ZNF208: variants seen among roughly 807,000 people sequenced by gnomAD.
The protein encoded by ZNF208 is zinc finger protein 208, also known as zinc finger protein 95.
In ZNF208, 10 loss-of-function variants were observed where a neutral mutation model predicts 12.1. The observed-to-expected ratio is 0.83, with a 90% CI of 0.51 to 1.40. The LOEUF is 1.40. Among genes scored for constraint, ZNF208 ranks in the 40% most tolerant of loss-of-function variants. The pLI is 0.00. For missense variants in ZNF208, 1,652 were observed against 1,485.0 expected, an observed-to-expected ratio of 1.11 and a Z score of -1.85; for synonymous variants, 497 against 488.4, an observed-to-expected ratio of 1.02 and a Z score of -0.23.
chr19:21,941,812 C>T (rs918517300), intron 4 of ZNF208, among the ~76,000 whole-genome samples: 4 of 152,040 alleles, frequency 2.6e-5, no homozygotes, highest in African/African-American at 7.2e-5. Context: ...AATAGTGTAT[C>T]GTGCTAAAAC....
At chr19:21,993,754 A>T (rs2145573467) in intron 1 of ZNF208, among the ~76,000 whole-genome samples, 1 of 150,230 alleles carries the variant, frequency 6.7e-6, no homozygotes, top group Admixed American at 6.7e-5. Flanking sequence ...TCAAAACACA[A>T]ATACTTCTGG....
chr19:21,956,725 G>C (rs894860791), intron 4 of ZNF208, among the ~76,000 whole-genome samples: 1 of 152,152 alleles, frequency 6.6e-6, no homozygotes, highest in African/African-American at 2.4e-5. Context: ...GATTTTCCAG[G>C]TACAGTCTGT....
chr19:21,991,935 T>G (rs1970745429), intron 1 of ZNF208, among the ~76,000 whole-genome samples: 1 of 151,956 alleles, frequency 6.6e-6, no homozygotes, highest in Non-Finnish European at 1.5e-5. Context: ...GTTACTGAAT[T>G]TCTAATAAGC....
At chr19:21,985,382 A>G (rs559430371) in intron 3 of ZNF208, among the ~76,000 whole-genome samples, 1 of 152,302 alleles carries the variant, frequency 6.6e-6, no homozygotes, top group African/African-American at 2.4e-5. Flanking sequence ...TTTAAGACCA[A>G]CCTGGGTTAT....
intron 1 of ZNF208, among the ~76,000 whole-genome samples, chr19:21,995,756 G>T (rs1311772505): frequency 6.6e-6 from 1 of 152,170 alleles, no homozygotes; most frequent in Non-Finnish European, 1.5e-5. Flanking sequence ...ATACTTTGTG[G>T]TCTTAAGATG....
intron 4 of ZNF208, among the ~76,000 whole-genome samples, chr19:21,942,186 A>G (rs550052574): frequency 6.6e-6 from 1 of 152,318 alleles, no homozygotes; most frequent in South Asian, 2.1e-4. Context: ...TTTTTAGACA[A>G]TAGACTTAAA....
At chr19:22,009,761 A>AT (rs1971110004) in intron 1 of ZNF208, among the ~76,000 whole-genome samples, 1 of 151,010 alleles carries the variant, frequency 6.6e-6, no homozygotes, top group African/African-American at 2.4e-5. Flanking sequence ...AAAAAAAAAA[A>AT]AAATCTAATT....
chr19:22,010,161 G>T (rs76029238), intron 1 of ZNF208, among the ~76,000 whole-genome samples: 1 of 152,110 alleles, frequency 6.6e-6, no homozygotes, highest in African/African-American at 2.4e-5. Context: ...CTCCAGCCTG[G>T]GCGACAGAGG....
In ZNF208 at chr19:21,971,113, T is replaced by C; in HGVS notation, c.*78A>G. On this transcript the variant is annotated 3_prime_UTR_variant, in exon 4 of 4. Transcript: ENST00000397126. Reference sequence around the variant, plus strand: ...CACCACATTCTTCACATTTGTAGGGTTTCTCTCCAGTATGAATTTTCTTAT... The same window carrying C: ...CACCACATTCTTCACATTTGTAGGGCTTCTCTCCAGTATGAATTTTCTTAT... 1.9e-6 allele frequency: 3 copies of C among 1,613,174 alleles called. No homozygotes were observed. The highest frequency in any genetic ancestry group is 1.1e-5 in the South Asian group (1 of 91,048).
Position 21,989,874 on chromosome 19 carries a change from A to G in ZNF208, c.4-965T>C, listed in dbSNP as rs149151089. 2.5e-3 allele frequency among the ~76,000 whole-genome samples: 388 copies of G among 152,306 alleles called. 1 individual carries two copies. Among genetic ancestry groups the G allele is most frequent in the African/African-American group, 9.0e-3 (375 of 41,576 alleles). On this transcript the variant is annotated intron_variant, in intron 1 of 3. Transcript: ENST00000397126. ...TTTCATGTGTTTTTTGGCTGCATAA[A>G]TATCTTCTTTGGAGAAGTGTCTGTT...
chr19:21,948,207 C>T (rs1335732365), intron 4 of ZNF208, among the ~76,000 whole-genome samples: 4 of 152,140 alleles, frequency 2.6e-5, no homozygotes, highest in Non-Finnish European at 5.9e-5. Context: ...ACCTCTTTAA[C>T]CCTGAAACTC....
chr19:21,946,099 C>T (rs536625622), intron 4 of ZNF208, among the ~76,000 whole-genome samples: 2 of 152,320 alleles, frequency 1.3e-5, no homozygotes, highest in African/African-American at 4.8e-5. Flanking sequence ...AGTGGGCTCC[C>T]AGGAAAAAGT....
At position 21,988,824 on chromosome 19, in the gene ZNF208, C is replaced by T; in HGVS notation, c.89G>A (p.Arg30Lys). ...TCTGTAGTTCTCTAACATCACATTT[C>T]TATATAAATTCTGCTGTGCAGTGTC... ...CLDTAQQNLY[R>K]NVMLENYRNL... is the part of the protein sequence containing the mutation. The change falls in exon 2 of 4, where the codon AGA becomes AAA. Residue 30 changes from arginine to lysine, a missense_variant. By Grantham distance (26) the Arg-to-Lys change is conservative. Transcript: ENST00000397126. The T allele has an allele frequency of 6.2e-7, 1 of 1,614,158 alleles. No homozygotes were observed. The highest frequency in any genetic ancestry group is 1.7e-5 in the Admixed American group (1 of 60,024).
chr19:21,999,129 T>C (rs1970894030), intron 1 of ZNF208, among the ~76,000 whole-genome samples: 1 of 150,714 alleles, frequency 6.6e-6, no homozygotes, highest in African/African-American at 2.5e-5. Context: ...GTCAGACTAA[T>C]ATCTACTATA....
intron 1 of ZNF208, among the ~76,000 whole-genome samples, chr19:22,000,778 A>C (rs552997551): frequency 1.3e-5 from 2 of 152,244 alleles, no homozygotes; most frequent in East Asian, 3.9e-4. Flanking sequence ...TATAAAATCT[A>C]TTTTTTTAAA....
chr19:21,972,522 A>G lies in ZNF208; in HGVS notation c.2512T>C (p.Cys838Arg). 6.8e-6 allele frequency: 11 copies of G among 1,612,962 alleles called. No individual in the cohort carries two copies. The highest frequency in any genetic ancestry group is 8.5e-6 in the Non-Finnish European group (10 of 1,179,820). Residue 838 changes from cysteine to arginine, a missense_variant, in exon 4 of 4, where the codon TGT (cysteine) becomes CGT (arginine). By Grantham distance (180) the Cys-to-Arg change is radical. Coordinates refer to ENST00000397126, the MANE Select transcript of ZNF208 (RefSeq NM_007153.3). Reference sequence around the variant, plus strand: ...GAGAACTTACTAAAGGCTTTGCCACATTCTTTACATTTGTAGGGCTTTTCT... The same window carrying G: ...GAGAACTTACTAAAGGCTTTGCCACGTTCTTTACATTTGTAGGGCTTTTCT... ...AGEKPYKCKECGKAFSKFSIL... is the reference protein window; with the variant it reads ...AGEKPYKCKERGKAFSKFSIL...
At chr19:21,941,083 C>T (rs1392234511) in intron 4 of ZNF208, 1 of 323,486 alleles carries the variant, frequency 3.1e-6, no homozygotes, top group Non-Finnish European at 5.6e-6. Flanking sequence ...AGGCGGTAGC[C>T]GTGGTCCCTG....
chr19:21,971,246 C>G lies in ZNF208; in HGVS notation c.3788G>C (p.Ser1263Thr). ...ATGTTTACTGAAGACTGATAACCAGCTGAAGGCTTTGCCACATTCTTCACA... is the reference window on the plus strand; with the variant it reads ...ATGTTTACTGAAGACTGATAACCAGGTGAAGGCTTTGCCACATTCTTCACA... ...YKCEECGKAF[S>T]WLSVFSKHKK... Residue 1263 changes from serine to threonine, a missense_variant, in exon 4 of 4, where the codon AGC becomes ACC. Physicochemically the swap from Ser to Thr is moderately conservative, Grantham distance 58. Transcript: ENST00000397126. The G allele has an allele frequency of 1.9e-6, 3 of 1,609,984 alleles. No individual in the cohort carries two copies. Among genetic ancestry groups the G allele is most frequent in the East Asian group, 2.2e-5 (1 of 44,684 alleles).
rs973376922 is a variant in ZNF208 at position 22,008,936 on chromosome 19, C to T, written c.3+1856G>A. ...GACCCAGGAGCTGATATTCACTAGACGCTCTCGCAGACATAGCCATGGCGG... is the reference window on the plus strand; with the variant it reads ...GACCCAGGAGCTGATATTCACTAGATGCTCTCGCAGACATAGCCATGGCGG... On this transcript the variant is annotated intron_variant, in intron 1 of 3. Transcript: ENST00000397126. Among the ~76,000 whole-genome samples the T allele has an allele frequency of 6.6e-5, 10 of 152,146 alleles. 1 individual carries two copies. The highest frequency in any genetic ancestry group is 6.2e-4 in the South Asian group (3 of 4,824).
Sources: gnomAD v4.1 joint callset for allele counts (sites outside exome capture counted in the v4.1 genomes callset) on GRCh38, gnomAD v4.1.1 for gene constraint, MANE v1.5 for transcripts, NCBI Gene and HGNC (gene_info 2026-07-23, HGNC 2026-07-21) for gene names.